The following VSX2 variants were observed in gnomAD, a reference collection of about 807,000 sequenced individuals.
The protein encoded by VSX2 is visual system homeobox 2.
A neutral mutation model predicts 32.1 loss-of-function variants in VSX2; 28 were observed. The ratio of observed to expected loss-of-function variants is 0.87; its 90% CI spans 0.65 to 1.20. VSX2 has a LOEUF of 1.20. Ranked by LOEUF, VSX2 falls within the 50% of genes most tolerant of loss-of-function variation. The pLI is 0.00. For synonymous variants in VSX2, 243 were observed against 214.1 expected, an observed-to-expected ratio of 1.14 and a Z score of -1.18; for missense variants, 506 against 488.7, an observed-to-expected ratio of 1.04 and a Z score of -0.33.
Position 74,239,570 on chromosome 14 carries a change from G to A in VSX2, c.9G>A (p.Gly3=). ...CTCCAAAGAACAGGGAGATGACGGG[G>A]AAAGCAGGGGAAGCGCTGAGCAAGC... The part of the protein sequence containing the change: MT[G]KAGEALSKPK... The change falls in exon 1 of 5, where the codon GGG becomes GGA. Residue 3 remains glycine, a synonymous_variant. Transcript: ENST00000261980. 6.4e-7 allele frequency: 1 copy of A among 1,551,292 alleles called. No individual in the cohort carries two copies. The highest frequency in any genetic ancestry group is 1.2e-5 in the South Asian group (1 of 84,062).
Position 74,259,582 on chromosome 14 carries a change from C to A in VSX2, c.580-20C>A. 4 of 1,614,206 alleles carry A rather than the reference C, an allele frequency of 2.5e-6. No homozygotes were observed. Among genetic ancestry groups the A allele is most frequent in the Non-Finnish European group, 3.4e-6 (4 of 1,180,022 alleles). On this transcript the variant is annotated intron_variant, in intron 3 of 4. Transcript: ENST00000261980. ...AGCACCTCTCAGAGCAAGCCTCTGA[C>A]CTGTTCTGTGCACCTGCAGGTCTGG... is the stretch of plus-strand genomic sequence containing the variant.
chr14:74,245,225 C>T lies in VSX2; in HGVS notation c.516C>T (p.Tyr172=), dbSNP rs1434821914. 6.2e-7 allele frequency: 1 copy of T among 1,613,750 alleles called. No individual in the cohort carries two copies. ...ELEKAFNEAH[Y]PDVYAREMLA... ...AGAAGGCATTCAACGAAGCCCACTACCCAGACGTCTATGCCCGGGAGATGC... is the reference window on the plus strand; with the variant it reads ...AGAAGGCATTCAACGAAGCCCACTATCCAGACGTCTATGCCCGGGAGATGC... Residue 172 remains tyrosine (Y), a synonymous_variant, in exon 3 of 5, where the codon TAC becomes TAT. Transcript: ENST00000261980.
intron 2 of VSX2, 92 bp downstream of exon 2, chr14:74,241,358 C>G: frequency 7.2e-7 from 1 of 1,393,618 alleles, no homozygotes; most frequent in Non-Finnish European, 1.0e-6. Context: ...CTATTTTCGC[C>G]GACAACGGAT....
At chr14:74,252,322 G>C (rs2079234202) in intron 3 of VSX2, among the ~76,000 whole-genome samples, 1 of 152,120 alleles carries the variant, frequency 6.6e-6, no homozygotes, top group African/African-American at 2.4e-5. Context: ...TTCTGTGCCT[G>C]CTGTGGAGGC....
Position 74,259,615 on chromosome 14 carries a change from A to T in VSX2, c.593A>T (p.Asn198Ile). The T allele has an allele frequency of 6.2e-7, 1 of 1,614,038 alleles. No homozygotes were observed. Among genetic ancestry groups the T allele is most frequent in the Non-Finnish European group, 8.5e-7 (1 of 1,179,996 alleles). ...GTGCACCTGCAGGTCTGGTTCCAGA[A>T]CCGTCGAGCCAAGTGGAGGAAGCGG... Reference protein sequence around the residue: ...PEDRIQVWFQNRRAKWRKREK... With the variant: ...PEDRIQVWFQIRRAKWRKREK... Residue 198 changes from asparagine (N) to isoleucine (I), a missense_variant, in exon 4 of 5, where the codon AAC becomes ATC. Physicochemically the swap from Asn to Ile is moderately radical, Grantham distance 149. Coordinates refer to ENST00000261980, the MANE Select transcript of VSX2 (RefSeq NM_182894.3).
intron 1 of VSX2, among the ~76,000 whole-genome samples, chr14:74,240,753 C>T (rs1158944669): frequency 6.6e-6 from 1 of 152,226 alleles, no homozygotes; most frequent in Non-Finnish European, 1.5e-5. Context: ...CTCGGCAGCC[C>T]CCAGTCTTCC....
intron 3 of VSX2, among the ~76,000 whole-genome samples, chr14:74,256,510 A>G (rs1258719948): frequency 6.6e-6 from 1 of 152,168 alleles, no homozygotes; most frequent in African/African-American, 2.4e-5. Flanking sequence ...GTATTCAAGC[A>G]GGACAGACTG....
chr14:74,253,304 C>T (rs936537670), intron 3 of VSX2, among the ~76,000 whole-genome samples: 15 of 151,974 alleles, frequency 9.9e-5, no homozygotes, highest in South Asian at 2.1e-4. Context: ...AGAAAGTGAG[C>T]GGTCAGGAAA....
At chr14:74,241,793 C>G (rs1330731638) in intron 2 of VSX2, among the ~76,000 whole-genome samples, 2 of 152,200 alleles carry the variant, frequency 1.3e-5, no homozygotes, top group African/African-American at 4.8e-5. Context: ...TTGGCTTCTG[C>G]TCATTCGTGA....
In VSX2 at chr14:74,260,998, G is replaced by A; in HGVS notation, c.*79G>A. 4.7e-6 allele frequency: 7 copies of A among 1,502,750 alleles called. No homozygotes were observed. The highest frequency in any genetic ancestry group is 6.3e-6 in the Non-Finnish European group (7 of 1,108,494). 93.1% of individuals were successfully genotyped at this position (1,502,750 alleles called of 1,614,324 possible). A position where few individuals can be genotyped will look rare whatever the true frequency, so the allele number is the denominator to read the frequency against. On this transcript the variant is annotated 3_prime_UTR_variant, in exon 5 of 5. Coordinates refer to ENST00000261980, the MANE Select transcript of VSX2 (RefSeq NM_182894.3). ...GTGGTGCTGGGAGATGCTCTCTGAG[G>A]CAAGGCCCAGACCTGGCCTCTGCCA... is the stretch of plus-strand genomic sequence containing the variant.
At chr14:74,251,972 A>G (rs2079231862) in intron 3 of VSX2, among the ~76,000 whole-genome samples, 1 of 152,224 alleles carries the variant, frequency 6.6e-6, no homozygotes, top group African/African-American at 2.4e-5. Context: ...CGAGGAGACC[A>G]GAATGTGCAA....
intron 3 of VSX2, among the ~76,000 whole-genome samples, chr14:74,248,590 C>T (rs2079209845): frequency 6.6e-6 from 1 of 151,860 alleles, no homozygotes; most frequent in African/African-American, 2.4e-5. Flanking sequence ...ACTCAAGAAG[C>T]TGAGATGGGA....
chr14:74,251,806 T>C (rs374400447), intron 3 of VSX2, among the ~76,000 whole-genome samples: 28 of 140,280 alleles, frequency 2.0e-4, no homozygotes, highest in South Asian at 1.6e-3. Context: ...GCGGGCGAAG[T>C]GCTGAGTGGG....
At chr14:74,259,444 C>T (rs942210903) in intron 3 of VSX2, among the ~76,000 whole-genome samples, 158 bp from the exon 4 acceptor site, 1 of 145,042 alleles carries the variant, frequency 6.9e-6, no homozygotes, top group Non-Finnish European at 1.5e-5. Context: ...TCTGAATACT[C>T]CCTGAGCCTG....
chr14:74,245,297 C>T lies in VSX2; in HGVS notation c.579+9C>T. On this transcript the variant is annotated intron_variant, in intron 3 of 4. Transcript: ENST00000261980. ...CGGAAGACAGGATACAGGTAACAGC[C>T]CTGAGCCCCTCTCCCCTCCACTCTC... The T allele has an allele frequency of 2.5e-6, 4 of 1,613,288 alleles. No homozygotes were observed. The highest frequency in any genetic ancestry group is 3.4e-6 in the Non-Finnish European group (4 of 1,179,750).
intron 3 of VSX2, among the ~76,000 whole-genome samples, chr14:74,248,637 G>T (rs747195394): frequency 1.1e-4 from 17 of 151,854 alleles, no homozygotes; most frequent in Non-Finnish European, 2.5e-4. Flanking sequence ...GCTACAGTGA[G>T]CTGTAATCGC....
At chr14:74,251,606 T>G (rs2079229551) in intron 3 of VSX2, among the ~76,000 whole-genome samples, 1 of 152,120 alleles carries the variant, frequency 6.6e-6, no homozygotes, top group South Asian at 2.1e-4. Flanking sequence ...TGGGTTAATA[T>G]GAGTGGAAGA....
chr14:74,241,608 G>C (rs11621283), intron 2 of VSX2, among the ~76,000 whole-genome samples: 122,550 of 152,200 alleles, frequency 0.81, 49,802 homozygotes, highest in Admixed American at 0.88. Context: ...ACACAGACCC[G>C]GCGGCGGGCA....
intron 2 of VSX2, among the ~76,000 whole-genome samples, chr14:74,241,555 G>C (rs2079150342): frequency 6.6e-6 from 1 of 152,218 alleles, no homozygotes; most frequent in South Asian, 2.1e-4. Context: ...GCCACAGAGT[G>C]GGGGCGGTCC....
Sources: allele counts gnomAD v4.1 joint callset (sites outside exome capture counted in the v4.1 genomes callset), GRCh38; gene constraint gnomAD v4.1.1; transcripts MANE v1.5; gene names NCBI Gene and HGNC (gene_info 2026-07-23, HGNC 2026-07-21).